The following AZIN2 variants were observed in gnomAD, a reference collection of about 807,000 sequenced individuals.
AZIN2 encodes antizyme inhibitor 2.
Under a neutral mutation model 47.8 loss-of-function variants are expected in AZIN2, and 28 were observed. The observed-to-expected ratio is 0.59, with a 90% CI of 0.43 to 0.80. AZIN2 has a LOEUF of 0.80. Among genes scored for constraint, AZIN2 ranks in the 30% least tolerant of loss-of-function variants. The probability of loss-of-function intolerance (pLI) is 0.00; values close to 1 mark genes in which losing one functional copy is unlikely to be tolerated. For synonymous variants in AZIN2, 221 were observed against 239.4 expected, an observed-to-expected ratio of 0.92 and a Z score of 0.71; for missense variants, 535 against 582.5, an observed-to-expected ratio of 0.92 and a Z score of 0.84.
At chr1:33,154,352 G>A in the AZIN2 span, among the ~76,000 whole-genome samples, 1 of 152,208 alleles carries the variant, frequency 6.6e-6, no homozygotes, top group Non-Finnish European at 1.5e-5. Context: ...CCTGCTCCAT[G>A]TCTGTCACAG....
At chr1:33,089,600 C>A (rs565573135) in intron 5 of AZIN2, among the ~76,000 whole-genome samples, 62 of 152,300 alleles carry the variant, frequency 4.1e-4, no homozygotes, top group African/African-American at 1.4e-3. Flanking sequence ...CACATCTGCC[C>A]CTGGGAAGCA....
downstream of AZIN2, among the ~76,000 whole-genome samples, chr1:33,127,769 T>G (rs772969427): frequency 1.3e-5 from 2 of 152,242 alleles, no homozygotes; most frequent in Non-Finnish European, 2.9e-5. Flanking sequence ...AATATAAAGG[T>G]CTTTGAAATA....
intron 7 of AZIN2, among the ~76,000 whole-genome samples, chr1:33,093,719 T>TTTTC: frequency 1.3e-5 from 2 of 150,492 alleles, no homozygotes; most frequent in African/African-American, 5.0e-5. Context: ...GCCTCTTTTC[T>TTTTC]TTTCTTTCTT....
downstream of AZIN2, among the ~76,000 whole-genome samples, chr1:33,126,529 G>A (rs932737547): frequency 6.6e-6 from 1 of 152,180 alleles, no homozygotes; most frequent in African/African-American, 2.4e-5. Flanking sequence ...TGGTGGTGGT[G>A]CGGTACCCCT....
At chr1:33,163,579 C>G in the AZIN2 span, 1 of 152,250 alleles carries the variant, frequency 6.6e-6, no homozygotes, top group East Asian at 1.9e-4. Flanking sequence ...AGCTCTGTGG[C>G]TGGGGAAACA....
At chr1:33,139,826 G>T in the AZIN2 span, among the ~76,000 whole-genome samples, 4 of 152,110 alleles carry the variant, frequency 2.6e-5, no homozygotes, top group African/African-American at 9.7e-5. Context: ...GCCACCAGCA[G>T]CTGCTGTAGA....
chr1:33,139,971 A>C, the AZIN2 span, among the ~76,000 whole-genome samples: 271 of 152,320 alleles, frequency 1.8e-3, no homozygotes, highest in Middle Eastern at 3.4e-3. Flanking sequence ...ATAAATGTGC[A>C]TAGGTTGTAG....
At chr1:33,088,548 C>A (rs1233986551) in intron 5 of AZIN2, among the ~76,000 whole-genome samples, 1 of 152,206 alleles carries the variant, frequency 6.6e-6, no homozygotes, top group Non-Finnish European at 1.5e-5. Flanking sequence ...ACCCTTTAGA[C>A]TCTTTCCCAT....
At chr1:33,099,777 T>A (rs149984295) in intron 10 of AZIN2, among the ~76,000 whole-genome samples, 41 of 152,322 alleles carry the variant, frequency 2.7e-4, no homozygotes, top group African/African-American at 9.6e-4. Context: ...GCTTTTCAAG[T>A]TTGGCCACGT....
At chr1:33,148,270 G>A in the AZIN2 span, among the ~76,000 whole-genome samples, 3 of 152,172 alleles carry the variant, frequency 2.0e-5, no homozygotes, top group Admixed American at 6.5e-5. Flanking sequence ...AGACATTCAT[G>A]TGGATGAAAA....
At chr1:33,110,674 T>C (rs1644246178) in intron 10 of AZIN2, among the ~76,000 whole-genome samples, 1 of 151,832 alleles carries the variant, frequency 6.6e-6, no homozygotes, top group African/African-American at 2.4e-5. Context: ...GAAGAAAGTA[T>C]CCAAATGTAG....
chr1:33,136,794 C>T, the AZIN2 span, among the ~76,000 whole-genome samples: 50 of 151,376 alleles, frequency 3.3e-4, 1 homozygote, highest in African/African-American at 8.7e-4. Flanking sequence ...GTCAGGAGTC[C>T]GAGACCAGCC....
At chr1:33,106,149 C>A (rs1164019819) in intron 10 of AZIN2, among the ~76,000 whole-genome samples, 1 of 151,944 alleles carries the variant, frequency 6.6e-6, no homozygotes, top group Admixed American at 6.6e-5. Context: ...AACTATACAC[C>A]AAGAAATTGG....
rs191131183 is a variant in AZIN2, at chr1:33,087,258, C to T, written c.279+3131C>T. Among the ~76,000 whole-genome samples, 1,020 of 149,796 alleles carry T rather than the reference C, an allele frequency of 6.8e-3. 53 individuals are homozygous for T. Among genetic ancestry groups the T allele is most frequent in the Admixed American group, 0.062 (938 of 15,034 alleles). ...AAGTGATTCTCCTGCCTCAGCCTTCCGAGTAGCTGGGATTACAGGCATGTG... is the reference window on the plus strand; with the variant it reads ...AAGTGATTCTCCTGCCTCAGCCTTCTGAGTAGCTGGGATTACAGGCATGTG... On this transcript the variant is annotated intron_variant, in intron 5 of 11. Coordinates refer to ENST00000294517, the MANE Select transcript of AZIN2 (RefSeq NM_052998.4).
chr1:33,104,176 C>T (rs1643889407), intron 10 of AZIN2, among the ~76,000 whole-genome samples: 1 of 152,166 alleles, frequency 6.6e-6, no homozygotes, highest in Non-Finnish European at 1.5e-5. Context: ...AGCCACTGTA[C>T]CCGGCCATTG....
intron 10 of AZIN2, among the ~76,000 whole-genome samples, chr1:33,111,835 C>G (rs554620007): frequency 6.6e-6 from 1 of 152,130 alleles, no homozygotes; most frequent in African/African-American, 2.4e-5. Context: ...GAACTCCTGA[C>G]CTTGTGATCC....
At chr1:33,126,575 C>T (rs1005697759), downstream of AZIN2, among the ~76,000 whole-genome samples, 3 of 152,082 alleles carry the variant, frequency 2.0e-5, no homozygotes, top group Admixed American at 2.0e-4. Context: ...TTGTCAGCTC[C>T]TGAATAGGTC....
At chr1:33,109,712 G>C (rs1644201486) in intron 10 of AZIN2, among the ~76,000 whole-genome samples, 1 of 151,700 alleles carries the variant, frequency 6.6e-6, no homozygotes, top group African/African-American at 2.4e-5. Context: ...TGTGCCTTAG[G>C]TGTTGTGTGT....
chr1:33,122,065 G>A lies in AZIN2; in HGVS notation c.*1883G>A, dbSNP rs1356530543. 1.3e-5 allele frequency among the ~76,000 whole-genome samples: 2 copies of A among 152,204 alleles called. No individual in the cohort carries two copies. The highest frequency in any genetic ancestry group is 2.1e-4 in the South Asian group (1 of 4,824). ...CTACCCCGTGATCCATCAAAGCCAC[G>A]ATTTACAGGTATTACCATGCCAGTA... On this transcript the variant is annotated 3_prime_UTR_variant, in exon 12 of 12. Transcript: ENST00000294517.
Sources: allele counts gnomAD v4.1 joint callset (sites outside exome capture counted in the v4.1 genomes callset), GRCh38; gene constraint gnomAD v4.1.1; transcripts MANE v1.5; gene names NCBI Gene and HGNC (gene_info 2026-07-23, HGNC 2026-07-21).